Variants in KCNJ3 observed in about 807,000 individuals in gnomAD.
The protein encoded by KCNJ3 is G protein-activated inward rectifier potassium channel 1.
A neutral mutation model predicts 39.2 loss-of-function variants in KCNJ3; 4 were observed. That is an observed-to-expected ratio of 0.10 (90% CI 0.05 to 0.23). The LOEUF is 0.23. Ranked by LOEUF, KCNJ3 falls within the 10% of genes least tolerant of loss-of-function variation. The pLI, the probability that KCNJ3 is intolerant of heterozygous loss-of-function variation, is 1.00. For missense variants in KCNJ3, 276 were observed against 634.9 expected (o/e 0.43, Z 6.08); for synonymous variants, 230 against 237.4 (o/e 0.97, Z 0.29).
intron 2 of KCNJ3, among the ~76,000 whole-genome samples, chr2:154,764,202 G>A (rs1239156653): frequency 6.6e-6 from 1 of 152,180 alleles, no homozygotes; most frequent in African/African-American, 2.4e-5. Context: ...AGTAATGAAA[G>A]TGTTTATTTA....
rs1170408270 is a variant in KCNJ3, at chr2:154,698,880, G to C, written c.105G>C (p.Gln35His). ...AGGGGCCAGGCCAGGACCCTCAGCA[G>C]CAGCTTGTGCCCAAGAAGAAGCGGC... Reference protein sequence around the residue: ...QPQGPGQDPQQQLVPKKKRQR... With the variant: ...QPQGPGQDPQHQLVPKKKRQR... The change falls in exon 1 of 3, where the codon CAG becomes CAC. Residue 35 changes from glutamine (Q) to histidine (H), a missense_variant. Gln to His is a conservative substitution (Grantham distance 24). Coordinates refer to ENST00000295101, the MANE Select transcript of KCNJ3 (RefSeq NM_002239.4). The C allele has an allele frequency of 6.2e-7, 1 of 1,614,082 alleles. No individual in the cohort carries two copies. Among genetic ancestry groups the C allele is most frequent in the Admixed American group, 1.7e-5 (1 of 60,010 alleles).
intron 2 of KCNJ3, among the ~76,000 whole-genome samples, chr2:154,756,476 A>T (rs745345268): frequency 7.9e-5 from 12 of 152,050 alleles, no homozygotes; most frequent in Non-Finnish European, 1.8e-4. Flanking sequence ...ATTTTCATTA[A>T]AAGTGTTGTG....
At position 154,718,662 on chromosome 2, in the gene KCNJ3, G is replaced by T. The variant is rs564665131; in HGVS notation, c.919+8843G>T. On this transcript the variant is annotated intron_variant, in intron 2 of 2. Transcript: ENST00000295101. ...TCCACCATTTCCTTACTTTACTTTT[G>T]TCAAGACTGAAATCACAAAAATACG... 1.8e-4 allele frequency among the ~76,000 whole-genome samples: 28 copies of T among 152,150 alleles called. No individual in the cohort carries two copies. In the South Asian group the frequency reaches 5.8e-3, roughly 32 times the overall value.
At position 154,765,027 on chromosome 2, in the gene KCNJ3, G is replaced by A. The variant is rs372296230; in HGVS notation, c.919+55208G>A. On this transcript the variant is annotated intron_variant, in intron 2 of 2. Coordinates refer to ENST00000295101, the MANE Select transcript of KCNJ3 (RefSeq NM_002239.4). ...GAACATTATTTCTCAAGGTGGGCAC[G>A]ATTGACATTTAGGATCAGGTAGTTT... 6.0e-4 allele frequency among the ~76,000 whole-genome samples: 91 copies of A among 152,250 alleles called. 2 individuals carry two copies. In the South Asian group the frequency reaches 0.015, roughly 25 times the overall value.
At chr2:154,737,237 T>C (rs1408937170) in intron 2 of KCNJ3, among the ~76,000 whole-genome samples, 1 of 152,192 alleles carries the variant, frequency 6.6e-6, no homozygotes, top group African/African-American at 2.4e-5. Context: ...AGGCAGGTTT[T>C]GTGTCAGTAT....
chr2:154,793,225 A>AT (rs974256970), intron 2 of KCNJ3, among the ~76,000 whole-genome samples: 1 of 151,868 alleles, frequency 6.6e-6, no homozygotes, highest in Non-Finnish European at 1.5e-5. Flanking sequence ...TTTTTACTGT[A>AT]TTTTTTCCCT....
At chr2:154,846,874 C>A (rs528393033) in intron 2 of KCNJ3, among the ~76,000 whole-genome samples, 1 of 152,088 alleles carries the variant, frequency 6.6e-6, no homozygotes, top group African/African-American at 2.4e-5. Flanking sequence ...TATTTTCTGA[C>A]AAATACAACT....
chr2:154,769,468 T>G (rs915289685), intron 2 of KCNJ3, among the ~76,000 whole-genome samples: 2 of 152,216 alleles, frequency 1.3e-5, no homozygotes, highest in African/African-American at 4.8e-5. Flanking sequence ...TCTTTTGTTC[T>G]GTTTATATGA....
At chr2:154,766,738 T>A (rs1686142957) in intron 2 of KCNJ3, among the ~76,000 whole-genome samples, 1 of 151,936 alleles carries the variant, frequency 6.6e-6, no homozygotes, top group African/African-American at 2.4e-5. Context: ...GTATTTTCAG[T>A]AGAGATGGGG....
Position 154,783,006 on chromosome 2 carries a change from G to A in KCNJ3, c.920-71721G>A, listed in dbSNP as rs775667210. ...AGCCTGCCCAACATGGGGAAACCCC[G>A]TCTCTACTAAAAAGACAAAAAATTA... is the stretch of plus-strand genomic sequence containing the variant. On this transcript the variant is annotated intron_variant, in intron 2 of 2. Transcript: ENST00000295101. 5.9e-5 allele frequency among the ~76,000 whole-genome samples: 9 copies of A among 152,044 alleles called. No homozygotes were observed. The East Asian group carries it at 1.6e-3, about 26-fold the overall frequency.
chr2:154,762,802 T>C (rs1867648), intron 2 of KCNJ3, among the ~76,000 whole-genome samples: 67,152 of 151,906 alleles, frequency 0.44, 15,234 homozygotes, highest in Non-Finnish European at 0.48. Flanking sequence ...TAACTGTTGC[T>C]ATTACATTGA....
intron 2 of KCNJ3, among the ~76,000 whole-genome samples, chr2:154,781,473 T>C (rs1221846925): frequency 1.3e-5 from 2 of 152,128 alleles, no homozygotes; most frequent in Non-Finnish European, 2.9e-5. Context: ...TAGTATTTGC[T>C]GGTAGGAAAA....
At chr2:154,709,522 A>G in intron 1 of KCNJ3, 81 bp from the exon 2 acceptor site, 1 of 1,356,996 alleles carries the variant, frequency 7.4e-7, no homozygotes, top group Non-Finnish European at 1.0e-6. Context: ...AATGTTGGCA[A>G]TGATGTAAAT....
At chr2:154,711,515 G>A (rs1202432717) in intron 2 of KCNJ3, among the ~76,000 whole-genome samples, 8 of 151,980 alleles carry the variant, frequency 5.3e-5, no homozygotes, top group Non-Finnish European at 1.2e-4. Context: ...ATTCATTTCT[G>A]TTTTTCCCTA....
intron 2 of KCNJ3, among the ~76,000 whole-genome samples, chr2:154,795,375 T>A (rs1333588153): frequency 1.3e-5 from 2 of 151,976 alleles, no homozygotes; most frequent in Non-Finnish European, 2.9e-5. Context: ...AGAATCTGTC[T>A]CAATTTTAAT....
intron 2 of KCNJ3, among the ~76,000 whole-genome samples, chr2:154,833,915 C>T (rs1357618590): frequency 1.3e-5 from 2 of 151,744 alleles, no homozygotes; most frequent in Admixed American, 6.6e-5. Context: ...TATGGCTGTA[C>T]CACAGTCTGT....
intron 2 of KCNJ3, among the ~76,000 whole-genome samples, chr2:154,839,744 G>A (rs1307735704): frequency 6.6e-6 from 1 of 152,126 alleles, no homozygotes; most frequent in African/African-American, 2.4e-5. Context: ...TTTGAGAAGT[G>A]TCTGTTCATA....
At chr2:154,851,266 A>G (rs1440741393) in intron 2 of KCNJ3, among the ~76,000 whole-genome samples, 1 of 152,182 alleles carries the variant, frequency 6.6e-6, no homozygotes, top group African/African-American at 2.4e-5. Flanking sequence ...GTTATCTCAT[A>G]GCCAGTGACT....
At chr2:154,848,981 A>C (rs896151056) in intron 2 of KCNJ3, among the ~76,000 whole-genome samples, 8 of 152,200 alleles carry the variant, frequency 5.3e-5, no homozygotes, top group African/African-American at 1.9e-4. Context: ...TTGAATATTC[A>C]CTAATTATAC....
Sources: allele counts gnomAD v4.1 joint callset (sites outside exome capture counted in the v4.1 genomes callset), GRCh38; gene constraint gnomAD v4.1.1; transcripts MANE v1.5; gene names NCBI Gene and HGNC (gene_info 2026-07-23, HGNC 2026-07-21).